Variants in AGO3 observed in about 807,000 individuals in gnomAD.
AGO3 encodes argonaute RISC catalytic component 3.
AGO3 carries 16 observed loss-of-function variants against 105.5 expected under a neutral mutation model. The ratio of observed to expected loss-of-function variants is 0.15; its 90% CI spans 0.10 to 0.23. AGO3 has a LOEUF of 0.23. AGO3 is among the 10% of genes least tolerant of loss of function. The pLI is 1.00. For missense variants in AGO3, 534 were observed against 1,088.0 expected (o/e 0.49, Z 7.16); for synonymous variants, 340 against 367.3 (o/e 0.93, Z 0.85).
In AGO3 at chr1:36,066,889, G is replaced by A. The variant is rs959118854; in HGVS notation, c.*11144G>A. ...CTTACAATTGTTTAATATTTGCAGA[G>A]TAAAAGAGCAGCTATTGCTATTTGA... On this transcript the variant is annotated 3_prime_UTR_variant, in exon 19 of 19. Transcript: ENST00000373191. 1 of 152,182 alleles carries A rather than the reference G, an allele frequency of 6.6e-6. No homozygotes were observed. Among genetic ancestry groups the A allele is most frequent in the African/African-American group, 2.4e-5 (1 of 41,444 alleles). 9.4% of individuals were successfully genotyped at this position (152,182 alleles called of 1,614,324 possible). A position where few individuals can be genotyped will look rare whatever the true frequency, so the allele number is the denominator to read the frequency against.
At position 35,931,123 on chromosome 1, in the gene AGO3, C is replaced by G. The variant is rs1018955395; in HGVS notation, c.-304C>G. On this transcript the variant is annotated 5_prime_UTR_variant, in exon 1 of 19. Coordinates refer to ENST00000373191, the MANE Select transcript of AGO3 (RefSeq NM_024852.4). ...CCCGGGCAGGTCGGCGGCGGCGGCC[C>G]GCAGTCGTGGAGGAGCGGTGGGAGC... 5.8e-5 allele frequency: 23 copies of G among 396,474 alleles called. No individual in the cohort carries two copies. In the East Asian group the frequency reaches 7.9e-4, roughly 14 times the overall value. The allele number at this position is 396,474 out of a possible 1,614,324, so 24.6% of individuals were successfully genotyped here.
intron 2 of AGO3, among the ~76,000 whole-genome samples, chr1:35,964,078 CA>C (rs1376615465): frequency 1.3e-5 from 2 of 151,798 alleles, no homozygotes; most frequent in African/African-American, 2.4e-5. Flanking sequence ...AAAATTGTAG[CA>C]AAAATTGTAT....
At chr1:35,954,644 T>A (rs1379770879) in intron 2 of AGO3, among the ~76,000 whole-genome samples, 1 of 152,248 alleles carries the variant, frequency 6.6e-6, no homozygotes, top group Non-Finnish European at 1.5e-5. Context: ...TACTCCTGTT[T>A]TGTGTCAGGC....
intron 2 of AGO3, among the ~76,000 whole-genome samples, chr1:35,947,464 A>G (rs761352108): frequency 5.3e-5 from 8 of 152,118 alleles, no homozygotes; most frequent in Non-Finnish European, 8.8e-5. Flanking sequence ...TTTTTAGTGC[A>G]TTGTGGTTAT....
At position 35,931,449 on chromosome 1, in the gene AGO3, A is replaced by G; in HGVS notation, c.19+4A>G. The G allele has an allele frequency of 1.3e-6, 2 of 1,516,932 alleles. No individual in the cohort carries two copies. The highest frequency in any genetic ancestry group is 1.8e-6 in the Non-Finnish European group (2 of 1,131,602). The allele number at this position is 1,516,932 out of a possible 1,614,324, so 94.0% of individuals were successfully genotyped here. On this transcript the variant is annotated splice_donor_region_variant and intron_variant, in intron 1 of 18. Transcript: ENST00000373191. ...TGAATGGAAATCGGCTCCGCAGGTG[A>G]GTCAGAGTAGCTGGGCCAGGTAGGG...
At chr1:35,941,373 A>T (rs773036850) in intron 1 of AGO3, among the ~76,000 whole-genome samples, 7 of 151,998 alleles carry the variant, frequency 4.6e-5, no homozygotes, top group Non-Finnish European at 7.4e-5. Flanking sequence ...CCTTATGTAT[A>T]ATTTTTCATA....
At chr1:35,934,262 C>T (rs1464525577) in intron 1 of AGO3, among the ~76,000 whole-genome samples, 2 of 152,098 alleles carry the variant, frequency 1.3e-5, no homozygotes, top group African/African-American at 4.8e-5. Context: ...GTTAGACTAC[C>T]GTTTAGGACA....
rs1424273148 is a variant in AGO3 at position 36,065,063 on chromosome 1, A to C, written c.*9318A>C. 6.6e-6 allele frequency: 1 copy of C among 152,076 alleles called. No homozygotes were observed. The highest frequency in any genetic ancestry group is 1.5e-5 in the Non-Finnish European group (1 of 68,138). The allele number at this position is 152,076 out of a possible 1,614,324, so 9.4% of individuals were successfully genotyped here. ...GTGCCTGTAATCCCAGCTACTGGGA[A>C]GGCCGAGGCAGGAGAATGGCTTGAA... On this transcript the variant is annotated 3_prime_UTR_variant, in exon 19 of 19. Coordinates refer to ENST00000373191, the MANE Select transcript of AGO3 (RefSeq NM_024852.4).
intron 13 of AGO3, among the ~76,000 whole-genome samples, chr1:36,035,644 G>T (rs1017781713): frequency 6.6e-6 from 1 of 151,946 alleles, no homozygotes; most frequent in Admixed American, 6.6e-5. Flanking sequence ...TTATAATTTT[G>T]TGCCCATGTT....
At chr1:36,012,362 A>C (rs1286544095) in intron 9 of AGO3, among the ~76,000 whole-genome samples, 1 of 151,684 alleles carries the variant, frequency 6.6e-6, no homozygotes, top group Non-Finnish European at 1.5e-5. Context: ...AAGAAAAGAA[A>C]ATGACTTTTC....
chr1:36,039,668 C>T (rs972803104), intron 14 of AGO3, 122 bp from the exon 15 acceptor site: 24 of 712,976 alleles, frequency 3.4e-5, no homozygotes, highest in Admixed American at 8.4e-5. Flanking sequence ...TTTTTGATTA[C>T]TTTCAAAGTA....
In AGO3 at chr1:35,994,042, A is replaced by ATTTTT. The variant is rs759085356; in HGVS notation, c.659-10277_659-10273dup. Among the ~76,000 whole-genome samples the ATTTTT allele has an allele frequency of 3.9e-4, 26 of 65,840 alleles. 3 individuals carry two copies. Among genetic ancestry groups the ATTTTT allele is most frequent in the African/African-American group, 1.1e-3 (16 of 14,088 alleles). The allele number at this position is 65,840 out of a possible 152,430, so 43.2% of individuals were successfully genotyped here. A position where few individuals can be genotyped will look rare whatever the true frequency, so the allele number is the denominator to read the frequency against. On this transcript the variant is annotated intron_variant, in intron 5 of 18. Coordinates refer to ENST00000373191, the MANE Select transcript of AGO3 (RefSeq NM_024852.4). ...TACATGCGTGAGCCACTGCGCCCAG[A>ATTTTT]TTTTTTTTTTTTTTTTTTTTTTTTT... is the stretch of plus-strand genomic sequence containing the variant.
chr1:35,959,140 C>T (rs1232114424), intron 2 of AGO3, among the ~76,000 whole-genome samples: 2 of 152,110 alleles, frequency 1.3e-5, no homozygotes, highest in Non-Finnish European at 2.9e-5. Context: ...TTTCTCTCTT[C>T]CCATTTTTCT....
At chr1:36,018,587 C>T (rs549567231) in intron 11 of AGO3, among the ~76,000 whole-genome samples, 8 of 152,170 alleles carry the variant, frequency 5.3e-5, no homozygotes, top group African/African-American at 1.9e-4. Flanking sequence ...CATGTGCCAC[C>T]ATGCCTGGCT....
At chr1:35,938,275 T>C (rs1646188707) in intron 1 of AGO3, among the ~76,000 whole-genome samples, 1 of 152,132 alleles carries the variant, frequency 6.6e-6, no homozygotes, top group Non-Finnish European at 1.5e-5. Flanking sequence ...TGAGCCACTG[T>C]GCCCGGCCCA....
Position 36,055,610 on chromosome 1 carries a change from T to C in AGO3, c.2475-27T>C. 2 of 1,599,002 alleles carry C rather than the reference T, an allele frequency of 1.3e-6. No homozygotes were observed. The highest frequency in any genetic ancestry group is 1.7e-6 in the Non-Finnish European group (2 of 1,168,364). The stretch of plus-strand genomic sequence containing the variant: ...TTACATCAGAATAGAAAGTTTGTTT[T>C]TGTGTTCATTGCCACTTCTCTTACA... On this transcript the variant is annotated intron_variant, in intron 18 of 18. Transcript: ENST00000373191. The surrounding 1 kb of genome is among the most constrained non-coding windows in gnomAD (Gnocchi z 4.4).
At chr1:35,998,667 C>A (rs1639950577) in intron 5 of AGO3, among the ~76,000 whole-genome samples, 1 of 152,020 alleles carries the variant, frequency 6.6e-6, no homozygotes, top group South Asian at 2.1e-4. Context: ...TTGCTCATGT[C>A]CTTTGCCACT....
chr1:36,016,750 G>C (rs2148822512), intron 11 of AGO3, among the ~76,000 whole-genome samples: 1 of 152,250 alleles, frequency 6.6e-6, no homozygotes, highest in South Asian at 2.1e-4. Context: ...GAGTAGAGGG[G>C]ACCTCCTTGT....
chr1:36,027,071 A>T lies in AGO3; in HGVS notation c.1407-43A>T. ...TCCCATTACTACTTTGTAGGAATTC[A>T]TGACTAGACAAAGGTTTTATATTTA... On this transcript the variant is annotated intron_variant, in intron 11 of 18. Coordinates refer to ENST00000373191, the MANE Select transcript of AGO3 (RefSeq NM_024852.4). The surrounding 1 kb of genome is among the most constrained non-coding windows in gnomAD (Gnocchi z 4.0). The T allele has an allele frequency of 6.4e-7, 1 of 1,558,328 alleles. No homozygotes were observed. The highest frequency in any genetic ancestry group is 8.7e-7 in the Non-Finnish European group (1 of 1,150,638).
Sources: gnomAD v4.1 joint callset for allele counts (sites outside exome capture counted in the v4.1 genomes callset) on GRCh38, gnomAD v4.1.1 for gene constraint, Gnocchi (gnomAD v3.1) non-coding constraint, MANE v1.5 for transcripts, NCBI Gene and HGNC (gene_info 2026-07-23, HGNC 2026-07-21) for gene names.